CADM2: variants seen among roughly 807,000 people sequenced by gnomAD.
CADM2 encodes cell adhesion molecule 2.
A neutral mutation model predicts 49.8 loss-of-function variants in CADM2; 12 were observed. The observed-to-expected ratio is 0.24, with a 90% confidence interval of 0.15 to 0.39. The LOEUF (loss-of-function observed/expected upper bound fraction) is 0.39, where lower values mean the gene tolerates loss of function less well. CADM2 is among the 10% of genes least tolerant of loss of function. The pLI, the probability that CADM2 is intolerant of heterozygous loss-of-function variation, is 1.00. For missense variants in CADM2, 378 were observed against 492.3 expected (o/e 0.77, Z 2.20); for synonymous variants, 214 against 175.4 (o/e 1.22, Z -1.74).
At chr3:85,574,724 A>G (rs1226385470) in intron 1 of CADM2, among the ~76,000 whole-genome samples, 1 of 152,174 alleles carries the variant, frequency 6.6e-6, no homozygotes, top group African/African-American at 2.4e-5. Flanking sequence ...CTACTGCATG[A>G]TATGTTTCTT....
chr3:85,374,170 T>C (rs2033449348), intron 1 of CADM2, among the ~76,000 whole-genome samples: 1 of 152,162 alleles, frequency 6.6e-6, no homozygotes, highest in Admixed American at 6.5e-5. Flanking sequence ...AAACCATATC[T>C]TTATAAGTTA....
rs182229625 is a variant in CADM2, at chr3:85,266,317, G to A, written c.61+306649G>A. 1.1e-4 allele frequency among the ~76,000 whole-genome samples: 17 copies of A among 151,918 alleles called. No homozygotes were observed. The East Asian group carries it at 3.3e-3, about 29-fold the overall frequency. ...AATAAAAGTAAATGAATTCAAATGT[G>A]ATATAAGGGAGAGAAAATGATTTTA... is the stretch of plus-strand genomic sequence containing the variant. On this transcript the variant is annotated intron_variant, in intron 1 of 9. Transcript: ENST00000383699.
chr3:85,943,153 A>AT (rs1335927543), intron 7 of CADM2, among the ~76,000 whole-genome samples: 2 of 150,478 alleles, frequency 1.3e-5, no homozygotes, highest in Non-Finnish European at 2.9e-5. Flanking sequence ...GTGTCTGTTC[A>AT]TGTCCTTCAC....
intron 1 of CADM2, among the ~76,000 whole-genome samples, chr3:85,558,756 A>C (rs2062020776): frequency 6.6e-6 from 1 of 152,116 alleles, no homozygotes; most frequent in Non-Finnish European, 1.5e-5. Flanking sequence ...ATGAAGTCCC[A>C]TGCAGGGTAC....
intron 1 of CADM2, among the ~76,000 whole-genome samples, chr3:85,416,044 G>C (rs1253348281): frequency 1.3e-5 from 2 of 152,018 alleles, no homozygotes; most frequent in African/African-American, 4.8e-5. Flanking sequence ...AAAAAATATT[G>C]AGGTTTTATA....
intron 1 of CADM2, among the ~76,000 whole-genome samples, chr3:85,013,140 AT>A (rs1441572809): frequency 2.8e-5 from 3 of 108,696 alleles, no homozygotes; most frequent in African/African-American, 1.2e-4. Context: ...TGCACTGGAA[AT>A]TAAAAAAAAA....
chr3:85,954,649 G>A (rs1723825527), intron 7 of CADM2, among the ~76,000 whole-genome samples: 1 of 151,102 alleles, frequency 6.6e-6, no homozygotes, highest in Non-Finnish European at 1.5e-5. Flanking sequence ...ACCCAAAGGG[G>A]AAATGCCTAA....
intron 1 of CADM2, among the ~76,000 whole-genome samples, chr3:85,515,832 T>C (rs1423613297): frequency 6.6e-6 from 1 of 151,894 alleles, no homozygotes; most frequent in Non-Finnish European, 1.5e-5. Flanking sequence ...AAGTTAAATG[T>C]ATTTAAATAT....
intron 8 of CADM2, among the ~76,000 whole-genome samples, chr3:86,061,986 T>TC (rs1553731920): frequency 7.5e-6 from 1 of 132,990 alleles, no homozygotes; most frequent in Non-Finnish European, 1.6e-5. Flanking sequence ...CTGTTGATGG[T>TC]GGGGGGGGGG....
At chr3:85,769,941 T>G (rs1329794288) in intron 2 of CADM2, among the ~76,000 whole-genome samples, 3 of 151,950 alleles carry the variant, frequency 2.0e-5, no homozygotes, top group Non-Finnish European at 4.4e-5. Context: ...AATAAAAATA[T>G]GTGTTCAAAT....
chr3:85,098,636 A>G (rs2037894492), intron 1 of CADM2, among the ~76,000 whole-genome samples: 3 of 152,168 alleles, frequency 2.0e-5, no homozygotes, highest in South Asian at 4.1e-4. Flanking sequence ...GGCTACAAAT[A>G]ACTATATTCG....
rs372912550 is a variant in CADM2, at chr3:85,255,153, GC to G, written c.61+295486del. ...AAATAGCACTAACATGTAACCAATT[GC>G]TTAAAACAGAAACTTGGGAATCATC... On this transcript the variant is annotated intron_variant, in intron 1 of 9. Coordinates refer to ENST00000383699, the MANE Select transcript of CADM2 (RefSeq NM_001167675.2). Among the ~76,000 whole-genome samples, 272 of 152,014 alleles carry G rather than the reference GC, an allele frequency of 1.8e-3. 1 individual carries two copies. Among genetic ancestry groups the G allele is most frequent in the African/African-American group, 6.3e-3 (261 of 41,514 alleles).
chr3:85,391,783 A>G (rs1408261320), intron 1 of CADM2, among the ~76,000 whole-genome samples: 1 of 152,116 alleles, frequency 6.6e-6, no homozygotes, highest in African/African-American at 2.4e-5. Flanking sequence ...TAGAACCTGC[A>G]TATGCATGGG....
intron 8 of CADM2, among the ~76,000 whole-genome samples, chr3:86,001,497 A>C (rs1352958410): frequency 6.6e-6 from 1 of 152,084 alleles, no homozygotes; most frequent in Non-Finnish European, 1.5e-5. Context: ...GAGTGCTTTG[A>C]TTGAGAAGAT....
intron 1 of CADM2, among the ~76,000 whole-genome samples, chr3:85,212,884 T>TTCTCTCTCTCTCTCTCTCTCTCTCTC (rs751474274): frequency 1.3e-5 from 1 of 78,608 alleles, no homozygotes; most frequent in African/African-American, 5.5e-5. Flanking sequence ...CTTTCTTTCT[T>TTCTCTCTCTCTCTCTCTCTCTCTCTC]TCTCTTTCTT....
chr3:85,667,126 C>G (rs530302768), intron 1 of CADM2, among the ~76,000 whole-genome samples: 2 of 152,020 alleles, frequency 1.3e-5, no homozygotes, highest in Admixed American at 1.3e-4. Flanking sequence ...TAAGAGCAGA[C>G]AGGAAGTGTA....
At chr3:85,661,577 A>G (rs2065404841) in intron 1 of CADM2, among the ~76,000 whole-genome samples, 1 of 151,970 alleles carries the variant, frequency 6.6e-6, no homozygotes, top group African/African-American at 2.4e-5. Context: ...ATGATATGAA[A>G]TGTCCATGTC....
Position 85,533,767 on chromosome 3 carries a change from G to T in CADM2, c.62-192755G>T, listed in dbSNP as rs1002427666. Among the ~76,000 whole-genome samples, 8 of 152,286 alleles carry T rather than the reference G, an allele frequency of 5.3e-5. No individual in the cohort carries two copies. In the East Asian group the frequency reaches 9.7e-4, roughly 18 times the overall value. On this transcript the variant is annotated intron_variant, in intron 1 of 9. Coordinates refer to ENST00000383699, the MANE Select transcript of CADM2 (RefSeq NM_001167675.2). ...CTTAGAGACAGAACAGGAAGCAGAA[G>T]GTGAGTTTGATCTTTAGCCAGTTCA...
intron 8 of CADM2, among the ~76,000 whole-genome samples, chr3:86,031,200 C>CA (rs1046743427): frequency 6.6e-6 from 1 of 151,602 alleles, no homozygotes; most frequent in African/African-American, 2.4e-5. Flanking sequence ...ATGCACTTGC[C>CA]AAAAAATGCC....
Sources: allele counts gnomAD v4.1 joint callset (sites outside exome capture counted in the v4.1 genomes callset), GRCh38; gene constraint gnomAD v4.1.1; transcripts MANE v1.5; gene names NCBI Gene and HGNC (gene_info 2026-07-23, HGNC 2026-07-21).